ADK: variants seen among roughly 807,000 people sequenced by gnomAD.
ADK encodes adenosine kinase.
Under a neutral mutation model 44.7 loss-of-function variants are expected in ADK, and 24 were observed. The ratio of observed to expected loss-of-function variants is 0.54; its 90% confidence interval spans 0.39 to 0.76. ADK has a LOEUF of 0.76. ADK is among the 30% of genes least tolerant of loss of function. The pLI is 0.00. For synonymous variants in ADK, 128 were observed against 142.6 expected, an observed-to-expected ratio of 0.90 and a Z score of 0.73; for missense variants, 321 against 425.1, an observed-to-expected ratio of 0.76 and a Z score of 2.15.
intron 2 of ADK, among the ~76,000 whole-genome samples, chr10:74,208,245 C>T (rs952890670): frequency 6.6e-6 from 1 of 152,260 alleles, no homozygotes; most frequent in African/African-American, 2.4e-5. Context: ...CAGCTGCACT[C>T]AGGAGGGTGG....
At chr10:74,164,416 A>C (rs906903144) in intron 1 of ADK, among the ~76,000 whole-genome samples, 1 of 152,068 alleles carries the variant, frequency 6.6e-6, no homozygotes, top group African/African-American at 2.4e-5. Context: ...GGCGCCTGTA[A>C]TCCCAGCTAC....
intron 2 of ADK, among the ~76,000 whole-genome samples, chr10:74,221,570 T>C (rs10762585): frequency 0.73 from 107,270 of 146,644 alleles, 40,018 homozygotes; most frequent in Middle Eastern, 0.85. Context: ...CAAGTCAATC[T>C]TAAGCCAAAA....
At chr10:74,671,902 G>C (rs768761134) in intron 10 of ADK, among the ~76,000 whole-genome samples, 1 of 152,110 alleles carries the variant, frequency 6.6e-6, no homozygotes, top group African/African-American at 2.4e-5. Context: ...TTCCTGGCCC[G>C]GCAACAACAG....
At chr10:74,620,048 G>T (rs960873546) in intron 9 of ADK, among the ~76,000 whole-genome samples, 2 of 152,180 alleles carry the variant, frequency 1.3e-5, no homozygotes, top group Non-Finnish European at 2.9e-5. Context: ...TACATATAAT[G>T]TATGGTGATC....
chr10:74,565,079 G>T (rs1364260086), intron 7 of ADK, among the ~76,000 whole-genome samples: 1 of 152,142 alleles, frequency 6.6e-6, no homozygotes, highest in African/African-American at 2.4e-5. Flanking sequence ...TGAGAAAATT[G>T]CTAAGTATTA....
intron 8 of ADK, among the ~76,000 whole-genome samples, chr10:74,592,760 G>A (rs2133933237): frequency 6.6e-6 from 1 of 152,196 alleles, no homozygotes; most frequent in East Asian, 1.9e-4. Flanking sequence ...AGAAAAGTAT[G>A]GAATTGTGCT....
chr10:74,515,591 T>C (rs1332937180), intron 6 of ADK, among the ~76,000 whole-genome samples: 2 of 152,078 alleles, frequency 1.3e-5, no homozygotes, highest in Admixed American at 6.5e-5. Context: ...CAGGCCATTA[T>C]TGGGGGTAAA....
chr10:74,490,672 A>G (rs1337632671), intron 6 of ADK, among the ~76,000 whole-genome samples: 4 of 152,118 alleles, frequency 2.6e-5, no homozygotes, highest in Non-Finnish European at 4.4e-5. Context: ...CCAAAGTCCA[A>G]ATACTTCAAT....
intron 3 of ADK, among the ~76,000 whole-genome samples, chr10:74,306,909 A>C (rs997881418): frequency 6.6e-6 from 1 of 152,212 alleles, no homozygotes; most frequent in African/African-American, 2.4e-5. Context: ...AAATTTGGCA[A>C]TTATGTCAAA....
At chr10:74,198,229 T>C (rs1426630689) in intron 1 of ADK, among the ~76,000 whole-genome samples, 2 of 152,238 alleles carry the variant, frequency 1.3e-5, no homozygotes, top group African/African-American at 4.8e-5. Flanking sequence ...TGTATTTGTC[T>C]GTTGATCCTT....
chr10:74,573,463 C>T (rs929159564), intron 7 of ADK, among the ~76,000 whole-genome samples: 2 of 152,218 alleles, frequency 1.3e-5, no homozygotes, highest in Non-Finnish European at 2.9e-5. Flanking sequence ...GGTCAGGGAC[C>T]CACTTGAGGA....
At chr10:74,346,424 T>G (rs1325702808) in intron 4 of ADK, among the ~76,000 whole-genome samples, 1 of 150,794 alleles carries the variant, frequency 6.6e-6, no homozygotes, top group East Asian at 1.9e-4. Flanking sequence ...TTATGTAAGC[T>G]AATCTAAATT....
Position 74,326,750 on chromosome 10 carries a change from A to G in ADK, c.273+12005A>G, listed in dbSNP as rs192103103. 6.8e-4 allele frequency among the ~76,000 whole-genome samples: 103 copies of G among 152,132 alleles called. 2 individuals carry two copies. Among genetic ancestry groups the G allele is most frequent in the Non-Finnish European group, 4.0e-4 (27 of 67,994 alleles). ...ACTTATTGGTCTGTTCTAATTTTCT[A>G]TATCTTCGTAATTAAATTTTGGTAG... On this transcript the variant is annotated intron_variant, in intron 4 of 10. Transcript: ENST00000539909.
At chr10:74,638,980 A>T (rs1254717891) in intron 9 of ADK, among the ~76,000 whole-genome samples, 1 of 151,876 alleles carries the variant, frequency 6.6e-6, no homozygotes, top group East Asian at 1.9e-4. Flanking sequence ...GCCAATTTTT[A>T]AATTTTTTTG....
chr10:74,578,340 G>T (rs147996808), intron 7 of ADK, among the ~76,000 whole-genome samples: 2 of 151,974 alleles, frequency 1.3e-5, no homozygotes, highest in African/African-American at 4.8e-5. Flanking sequence ...TAAGTTATTT[G>T]GTTTTTAAAT....
At chr10:74,450,373 A>G (rs1268425608) in intron 6 of ADK, among the ~76,000 whole-genome samples, 8 of 152,174 alleles carry the variant, frequency 5.3e-5, no homozygotes, top group African/African-American at 1.9e-4. Context: ...GTCATTTTCT[A>G]TTTCGTCTCT....
intron 6 of ADK, among the ~76,000 whole-genome samples, chr10:74,458,119 C>CT (rs1172945144): frequency 0.019 from 1,406 of 74,482 alleles, 92 homozygotes; most frequent in African/African-American, 0.059. Flanking sequence ...TGCATTAAAA[C>CT]TTTTTTTTTT....
intron 5 of ADK, among the ~76,000 whole-genome samples, chr10:74,395,363 G>A (rs981496099): frequency 1.3e-5 from 2 of 152,028 alleles, no homozygotes; most frequent in South Asian, 4.1e-4. Flanking sequence ...CTATTCTAGA[G>A]ACTGGGGATC....
chr10:74,491,430 A>T (rs1237957317), intron 6 of ADK, among the ~76,000 whole-genome samples: 2 of 152,088 alleles, frequency 1.3e-5, no homozygotes, highest in Admixed American at 6.6e-5. Flanking sequence ...TTATTATGAA[A>T]GTTTTCAAGT....
Sources: allele counts gnomAD v4.1 joint callset (sites outside exome capture counted in the v4.1 genomes callset), GRCh38; gene constraint gnomAD v4.1.1; transcripts MANE v1.5; gene names NCBI Gene and HGNC (gene_info 2026-07-23, HGNC 2026-07-21).